The following MMEL1 variants were observed in gnomAD, a reference collection of about 807,000 sequenced individuals.
MMEL1 encodes the protein membrane metallo-endopeptidase-like 1.
Under a neutral mutation model 117.1 loss-of-function variants are expected in MMEL1, and 98 were observed. That is an observed-to-expected ratio of 0.84 (90% CI 0.71 to 0.99). The LOEUF (loss-of-function observed/expected upper bound fraction) is 0.99, where lower values mean the gene tolerates loss of function less well. MMEL1 is among the 50% of genes least tolerant of loss of function. The pLI is 0.00. For synonymous variants in MMEL1, 390 were observed against 415.1 expected (o/e 0.94, Z 0.74); for missense variants, 1,014 against 1,049.1 (o/e 0.97, Z 0.46).
rs1255872735 is a variant in MMEL1 at position 2,595,997 on chromosome 1, C to T, written c.1500+12G>A. ...CCAGTCGGGGCTGCCCTGACCTCTG[C>T]GAGCCACATACCTTCTCCTGCGCCT... On this transcript the variant is annotated intron_variant, in intron 15 of 23. Transcript: ENST00000378412. The surrounding 1 kb of genome is among the most constrained non-coding windows in gnomAD (Gnocchi z 4.8). 9.9e-6 allele frequency: 16 copies of T among 1,611,854 alleles called. No individual in the cohort carries two copies. Among genetic ancestry groups the T allele is most frequent in the African/African-American group, 4.0e-5 (3 of 74,830 alleles).
At chr1:2,624,405 G>A (rs1365130613) in intron 2 of MMEL1, among the ~76,000 whole-genome samples, 1 of 152,180 alleles carries the variant, frequency 6.6e-6, no homozygotes, top group Non-Finnish European at 1.5e-5. Flanking sequence ...CCTAACCAGA[G>A]GAATTCAATC....
At chr1:2,613,351 C>T (rs1416370700) in intron 2 of MMEL1, among the ~76,000 whole-genome samples, 1 of 152,252 alleles carries the variant, frequency 6.6e-6, no homozygotes, top group Non-Finnish European at 1.5e-5. Flanking sequence ...TAACCCAGAG[C>T]CTATGGACCA....
At position 2,594,889 on chromosome 1, in the gene MMEL1, T is replaced by C; in HGVS notation, c.1589A>G (p.Asn530Ser). The C allele has an allele frequency of 1.2e-6, 2 of 1,613,412 alleles. No individual in the cohort carries two copies. Among genetic ancestry groups the C allele is most frequent in the Non-Finnish European group, 1.7e-6 (2 of 1,179,584 alleles). Residue 530 changes from asparagine (N) to serine (S), a missense_variant, in exon 17 of 24, where the codon AAC becomes AGC. Physicochemically the swap from Asn to Ser is conservative, Grantham distance 46. Transcript: ENST00000378412. ...RRLDEEYSNL[N>S]FSEDLYFENS... is the part of the protein sequence containing the mutation. ...CTCAAAGTACAGGTCCTCTGAGAAG[T>C]TCAGCTACGGGAGAGGGGCAGTCAC...
intron 2 of MMEL1, among the ~76,000 whole-genome samples, chr1:2,624,354 C>T (rs1376326522): frequency 6.6e-6 from 1 of 152,206 alleles, no homozygotes; most frequent in Non-Finnish European, 1.5e-5. Flanking sequence ...CTGAGGTGCA[C>T]TGTGGGTAAC....
chr1:2,602,956 A>C (rs1051578979), intron 11 of MMEL1, among the ~76,000 whole-genome samples: 2 of 152,174 alleles, frequency 1.3e-5, no homozygotes, highest in Non-Finnish European at 2.9e-5. Flanking sequence ...CTCGATCGAG[A>C]TAGGCCTTTG....
chr1:2,613,055 C>A (rs565682069), intron 2 of MMEL1, among the ~76,000 whole-genome samples: 2 of 152,336 alleles, frequency 1.3e-5, no homozygotes, highest in East Asian at 3.9e-4. Flanking sequence ...ATATCAGCTC[C>A]TTGGGGGCCT....
chr1:2,621,322 G>A (rs1204237370), intron 2 of MMEL1, among the ~76,000 whole-genome samples: 2 of 152,160 alleles, frequency 1.3e-5, no homozygotes, highest in Non-Finnish European at 2.9e-5. Flanking sequence ...TTAAGACTGA[G>A]AGAACAGACT....
chr1:2,606,218 C>G, intron 8 of MMEL1, 30 bp downstream of exon 8: 1 of 1,577,278 alleles, frequency 6.3e-7, no homozygotes, highest in Non-Finnish European at 8.7e-7. Context: ...GGGGACCCTG[C>G]CTACCCCTGC....
At position 2,611,785 on chromosome 1, in the gene MMEL1, A is replaced by G. The variant is rs562691785; in HGVS notation, c.232+342T>C. 4.2e-3 allele frequency among the ~76,000 whole-genome samples: 637 copies of G among 151,748 alleles called. 7 individuals carry two copies. The highest frequency in any genetic ancestry group is 0.014 in the Middle Eastern group (4 of 294). ...TGCCCTCCTGCCTTCTGCCCAGCCC[A>G]CTCTCACCTGCTGCCAGGGCCAGCT... On this transcript the variant is annotated intron_variant, in intron 3 of 23. Coordinates refer to ENST00000378412, the MANE Select transcript of MMEL1 (RefSeq NM_033467.4).
At chr1:2,604,119 C>T (rs774064932) in intron 10 of MMEL1, 28 bp downstream of exon 10, 13 of 1,509,992 alleles carry the variant, frequency 8.6e-6, no homozygotes, top group South Asian at 6.9e-5. Context: ...ACTCGCTGCC[C>T]GCTCCCCACC....
chr1:2,606,190 G>C, intron 8 of MMEL1, 58 bp downstream of exon 8: 1 of 1,386,346 alleles, frequency 7.2e-7, no homozygotes, highest in Non-Finnish European at 1.0e-6. Flanking sequence ...TGTGCTGCAA[G>C]AGCCCCCAGC....
chr1:2,593,785 C>A (rs757961437), intron 19 of MMEL1, 29 bp downstream of exon 19: 1 of 1,574,276 alleles, frequency 6.4e-7, no homozygotes, highest in Non-Finnish European at 8.6e-7. Context: ...GAGGGGAGGG[C>A]GTGTGTGATT....
chr1:2,598,409 G>C, intron 12 of MMEL1, 109 bp from the exon 13 acceptor site: 1 of 1,265,620 alleles, frequency 7.9e-7, no homozygotes, highest in Middle Eastern at 1.9e-4. Flanking sequence ...GAGAGTTATG[G>C]GTGCTGGAGA....
intron 2 of MMEL1, among the ~76,000 whole-genome samples, chr1:2,622,953 A>G (rs1415164536): frequency 6.6e-6 from 1 of 151,048 alleles, no homozygotes; most frequent in African/African-American, 2.4e-5. Flanking sequence ...TGGGAGGCCA[A>G]GGTCAAGAGA....
rs1430144836 is a variant in MMEL1 at position 2,599,822 on chromosome 1, G to A, written c.1042-1032C>T. Among the ~76,000 whole-genome samples the A allele has an allele frequency of 1.4e-4, 20 of 143,930 alleles. 1 individual carries two copies. The highest frequency in any genetic ancestry group is 2.0e-4 in the East Asian group (1 of 4,912). The allele number at this position is 143,930 out of a possible 152,430, so 94.4% of individuals were successfully genotyped here. A position where few individuals can be genotyped will look rare whatever the true frequency, so the allele number is the denominator to read the frequency against. On this transcript the variant is annotated intron_variant, in intron 11 of 23. Coordinates refer to ENST00000378412, the MANE Select transcript of MMEL1 (RefSeq NM_033467.4). ...TGGTGAGCTGAGATCACTCCACTGC[G>A]CTCCAGCCTGGGCAACAGAGCAAGA...
At chr1:2,628,957 G>A (rs562081140) in intron 2 of MMEL1, among the ~76,000 whole-genome samples, 1,888 of 150,118 alleles carry the variant, frequency 0.013, 20 homozygotes, top group Non-Finnish European at 0.02. Context: ...AGCCGGGGCT[G>A]CGCGGCCAGG....
Position 2,612,108 on chromosome 1 carries a change from A to C in MMEL1, c.232+19T>G. 6.4e-7 allele frequency: 1 copy of C among 1,566,028 alleles called. No homozygotes were observed. The highest frequency in any genetic ancestry group is 8.7e-7 in the Non-Finnish European group (1 of 1,153,550). On this transcript the variant is annotated intron_variant, in intron 3 of 23. Transcript: ENST00000378412. This position sits in a 1 kb window ranked among gnomAD's most constrained non-coding sequence, Gnocchi z 5.4. ...GCCCACCTGCCTGGGGCTGTTTTGG[A>C]AGGGAAGGCAAAGGCTACCTCGGGG...
intron 2 of MMEL1, among the ~76,000 whole-genome samples, chr1:2,613,665 G>A (rs1570694603): frequency 6.6e-6 from 1 of 152,122 alleles, no homozygotes; most frequent in African/African-American, 2.4e-5. Context: ...TGCCTTTGGA[G>A]TCAAAGCATG....
intron 11 of MMEL1, among the ~76,000 whole-genome samples, chr1:2,602,108 G>A (rs985057706): frequency 6.6e-6 from 1 of 152,266 alleles, no homozygotes; most frequent in Non-Finnish European, 1.5e-5. Flanking sequence ...GACCCGAGTT[G>A]TCGCATGTTC....
Sources: gnomAD v4.1 joint callset for allele counts (sites outside exome capture counted in the v4.1 genomes callset) on GRCh38, gnomAD v4.1.1 for gene constraint, Gnocchi (gnomAD v3.1) non-coding constraint, MANE v1.5 for transcripts, NCBI Gene and HGNC (gene_info 2026-07-23, HGNC 2026-07-21) for gene names.